Variants in LMNTD2 observed in about 807,000 individuals in gnomAD.
The protein encoded by LMNTD2 is lamin tail domain containing 2, also known as lamin tail domain-containing protein 2.
Under a neutral mutation model 70.1 loss-of-function variants are expected in LMNTD2, and 83 were observed. That is an observed-to-expected ratio of 1.18 (90% confidence interval 0.99 to 1.42). LMNTD2 has a LOEUF of 1.42. Among genes scored for constraint, LMNTD2 ranks in the 40% most tolerant of loss-of-function variants. The pLI, the probability that LMNTD2 is intolerant of heterozygous loss-of-function variation, is 0.00. For missense variants in LMNTD2, 1,153 were observed against 905.9 expected, an observed-to-expected ratio of 1.27 and a Z score of -3.50; for synonymous variants, 534 against 406.1, an observed-to-expected ratio of 1.31 and a Z score of -3.79.
At chr11:559,842 C>T in intron 1 of LMNTD2, 1 of 847,056 alleles carries the variant, frequency 1.2e-6, no homozygotes, top group Non-Finnish European at 1.4e-6. Context: ...GCACGTTAAC[C>T]TCGAATTCCT....
At chr11:558,395 GCCTC>G in intron 3 of LMNTD2, 147 bp from the exon 4 acceptor site, 1 of 1,096,256 alleles carries the variant, frequency 9.1e-7, no homozygotes. Context: ...GGGCTGGCCA[GCCTC>G]CGGCTGGTCT....
intron 3 of LMNTD2, 69 bp downstream of exon 3, chr11:558,545 C>G: frequency 2.6e-6 from 4 of 1,520,844 alleles, no homozygotes; most frequent in Non-Finnish European, 3.5e-6. Flanking sequence ...GGGTTGGGGT[C>G]AGACAGAAAC....
In LMNTD2 at chr11:556,815, G is replaced by A; in HGVS notation, c.976+20C>T. The A allele has an allele frequency of 1.9e-6, 3 of 1,539,308 alleles. No homozygotes were observed. Among genetic ancestry groups the A allele is most frequent in the South Asian group, 1.2e-5 (1 of 80,132 alleles). On this transcript the variant is annotated intron_variant, in intron 8 of 13. Coordinates refer to ENST00000329451, the MANE Select transcript of LMNTD2 (RefSeq NM_173573.3). ...GGAGGGTGGGTGAAGGGTAACCAGG[G>A]GAGACCCGCCCCACTGCACCTTCTG...
At position 558,364 on chromosome 11, in the gene LMNTD2, G is replaced by T. The variant is rs2134104298; in HGVS notation, c.312-116C>A. On this transcript the variant is annotated intron_variant, in intron 3 of 13. Coordinates refer to ENST00000329451, the MANE Select transcript of LMNTD2 (RefSeq NM_173573.3). ...CTCCACTGCCACCTTGGCCCCAAGG[G>T]CACACAGTACAGCCCCGCTGGGGCT... 6 of 1,264,300 alleles carry T rather than the reference G, an allele frequency of 4.7e-6. No homozygotes were observed. In the East Asian group the frequency reaches 1.5e-4, roughly 31 times the overall value. The allele number at this position is 1,264,300 out of a possible 1,614,324, so 78.3% of individuals were successfully genotyped here.
chr11:558,074 GGT>G (rs780586995), intron 4 of LMNTD2, 35 bp from the exon 5 acceptor site: 1 of 1,588,748 alleles, frequency 6.3e-7, no homozygotes, highest in Non-Finnish European at 8.6e-7. Flanking sequence ...GTGGTGGGGG[GGT>G]GTCTTCTGCA....
chr11:557,647 G>T lies in LMNTD2; in HGVS notation c.556-7C>A. 6.2e-7 allele frequency: 1 copy of T among 1,613,080 alleles called. No individual in the cohort carries two copies. ...GAGTCTCTGCCGTCACTACCTGCAA[G>T]AGGGGACCGGAAGCCAGTGGGCAGG... is the stretch of plus-strand genomic sequence containing the variant. On this transcript the variant is annotated splice_region_variant and splice_polypyrimidine_tract_variant and intron_variant, in intron 5 of 13. Transcript: ENST00000329451.
rs1451304055 is a variant in LMNTD2 at position 555,873 on chromosome 11, C to T, written c.1435G>A (p.Asp479Asn). 1.3e-6 allele frequency: 2 copies of T among 1,564,158 alleles called. No individual in the cohort carries two copies. The highest frequency in any genetic ancestry group is 1.7e-6 in the Non-Finnish European group (2 of 1,160,760). Residue 479 changes from aspartate (D) to asparagine (N), a missense_variant, in exon 12 of 14, where the codon GAC becomes AAC. Coordinates refer to ENST00000329451, the MANE Select transcript of LMNTD2 (RefSeq NM_173573.3). ...RETPAPRVFA[D>N]GTDLSIDRFP... is the part of the protein sequence containing the mutation. ...CGGTCGATGGACAAGTCGGTGCCGT[C>T]GGCGAAGACCCTCGGGGCCGGAGTC...
At position 556,510 on chromosome 11, in the gene LMNTD2, C is replaced by T. The variant is rs1319890803; in HGVS notation, c.1055G>A (p.Ser352Asn). 9 of 1,553,524 alleles carry T rather than the reference C, an allele frequency of 5.8e-6. No homozygotes were observed. The highest frequency in any genetic ancestry group is 7.8e-6 in the Non-Finnish European group (9 of 1,148,662). ...PQPCTDPDHWSPELLQSPTGL... is the reference protein window; with the variant it reads ...PQPCTDPDHWNPELLQSPTGL... ...CCCTTACCTCTGCAGGAGTTCCGGG[C>T]TCCAGTGGTCCGGGTCTGTGCAGGG... is the stretch of plus-strand genomic sequence containing the variant. The change falls in exon 9 of 14, where the codon AGC becomes AAC. Residue 352 changes from serine (S) to asparagine (N), a missense_variant. By Grantham distance (46) the Ser-to-Asn change is conservative. Transcript: ENST00000329451.
At position 557,996 on chromosome 11, in the gene LMNTD2, G is replaced by T. The variant is rs765747261; in HGVS notation, c.443C>A (p.Thr148Lys). The change falls in exon 5 of 14, where the codon ACG (threonine) becomes AAG (lysine). Residue 148 changes from threonine (T) to lysine (K), a missense_variant. Transcript: ENST00000329451. ...LEERLLQTTR[T>K]LQEMEAELQN... ...CAGCTCGGCCTCCATCTCCTGGAGCGTGCGGGTGGTCTGCAGCAGCCGCTC... is the reference window on the plus strand; with the variant it reads ...CAGCTCGGCCTCCATCTCCTGGAGCTTGCGGGTGGTCTGCAGCAGCCGCTC... 1.9e-6 allele frequency: 3 copies of T among 1,592,216 alleles called. No individual in the cohort carries two copies. Among genetic ancestry groups the T allele is most frequent in the Non-Finnish European group, 2.6e-6 (3 of 1,167,292 alleles).
intron 1 of LMNTD2, 76 bp from the exon 2 acceptor site, chr11:559,055 T>G: frequency 6.4e-7 from 1 of 1,568,160 alleles, no homozygotes; most frequent in Non-Finnish European, 8.6e-7. Context: ...CTCAATGTTC[T>G]TCGGGAGCTG....
Position 557,886 on chromosome 11 carries a change from C to G in LMNTD2, c.553G>C (p.Glu185Gln). The G allele has an allele frequency of 6.4e-7, 1 of 1,565,660 alleles. No individual in the cohort carries two copies. Among genetic ancestry groups the G allele is most frequent in the Non-Finnish European group, 8.6e-7 (1 of 1,156,492 alleles). ...GAGGGCTTGGGGGACAGGCTCACCT[C>G]CACACTGCCAGTCTGGGATCGTAGC... The part of the protein sequence containing the change: ...RMLRSQTGSV[E>Q]VVTAETLMDP... Residue 185 changes from glutamate to glutamine, a missense_variant and splice_region_variant, in exon 5 of 14, where the codon GAG becomes CAG. Transcript: ENST00000329451.
intron 1 of LMNTD2, chr11:559,235 A>G (rs1162579312): frequency 2.0e-6 from 3 of 1,489,394 alleles, no homozygotes; most frequent in South Asian, 1.3e-5. Flanking sequence ...ACCACCCGAC[A>G]TGTCCCTGGC....
At chr11:555,174 G>GGAGGGGAGGGA in intron 13 of LMNTD2, 63 bp from the exon 14 acceptor site, 1 of 514,990 alleles carries the variant, frequency 1.9e-6, no homozygotes, top group Admixed American at 4.9e-5. Context: ...GAGGGGAGGG[G>GGAGGGGAGGGA]AGGAGAGGGG....
intron 1 of LMNTD2, chr11:560,355 G>A: frequency 8.6e-7 from 1 of 1,160,732 alleles, no homozygotes; most frequent in Non-Finnish European, 1.1e-6. Flanking sequence ...GGGCAGGAAG[G>A]TGTCGGAGAA....
Position 558,934 on chromosome 11 carries a change from G to A in LMNTD2, c.80C>T (p.Pro27Leu), listed in dbSNP as rs1282566761. Residue 27 changes from proline (P) to leucine (L), a missense_variant, in exon 2 of 14, where the codon CCT becomes CTT. Pro to Leu is a moderately conservative substitution (Grantham distance 98). Coordinates refer to ENST00000329451, the MANE Select transcript of LMNTD2 (RefSeq NM_173573.3). The stretch of plus-strand genomic sequence containing the variant: ...GCACGTGGGAGTCTCGGGGGCTGCA[G>A]GTGCGCCTGCTGGAGGTCCCAGGTG... Reference protein sequence around the residue: ...SGHLGPPAGAPAAPETPTCLP... With the variant: ...SGHLGPPAGALAAPETPTCLP... The A allele has an allele frequency of 6.2e-7, 1 of 1,607,248 alleles. No homozygotes were observed. The highest frequency in any genetic ancestry group is 1.7e-5 in the Admixed American group (1 of 60,024).
chr11:555,753 C>G lies in LMNTD2; in HGVS notation c.1555G>C (p.Val519Leu). Residue 519 changes from valine to leucine, a missense_variant, in exon 12 of 14, where the codon GTC becomes CTC. By Grantham distance (32) the Val-to-Leu change is conservative. Transcript: ENST00000329451. ...CCCCACCCTGGTCTCCGGCGACTGA[C>G]CCGGGGCTCCCGCACCCGGCCTTTG... ...LRKGRVREPR[V>L]SRRRPGTRGL... The G allele has an allele frequency of 7.0e-7, 1 of 1,428,782 alleles. No homozygotes were observed. The highest frequency in any genetic ancestry group is 9.1e-7 in the Non-Finnish European group (1 of 1,103,884). 88.5% of individuals were successfully genotyped at this position (1,428,782 alleles called of 1,614,324 possible).
chr11:556,955 T>G lies in LMNTD2; in HGVS notation c.856A>C (p.Ser286Arg). ...SSSGGADSDS[S>R]SCRPGLPSFV... Reference sequence around the variant, plus strand: ...GAAGGCAGGCCCGGCCGGCAGCTGCTGGAGTCGGAGTCAGCGCCCCCTGAG... The same window carrying G: ...GAAGGCAGGCCCGGCCGGCAGCTGCGGGAGTCGGAGTCAGCGCCCCCTGAG... Residue 286 changes from serine (S) to arginine (R), a missense_variant, in exon 8 of 14, where the codon AGC becomes CGC. Ser to Arg is a moderately radical substitution (Grantham distance 110). Coordinates refer to ENST00000329451, the MANE Select transcript of LMNTD2 (RefSeq NM_173573.3). 6.2e-7 allele frequency: 1 copy of G among 1,603,638 alleles called. No homozygotes were observed. The highest frequency in any genetic ancestry group is 8.5e-7 in the Non-Finnish European group (1 of 1,178,472).
At position 555,798 on chromosome 11, in the gene LMNTD2, G is replaced by A; in HGVS notation, c.1510C>T (p.Arg504Cys). The change falls in exon 12 of 14, where the codon CGC (arginine) becomes TGC (cysteine). Residue 504 changes from arginine to cysteine, a missense_variant. Arg to Cys is a radical substitution (Grantham distance 180). Coordinates refer to ENST00000329451, the MANE Select transcript of LMNTD2 (RefSeq NM_173573.3). ...GPGADTRKPPRPPRPLRKGRV... is the reference protein window; with the variant it reads ...GPGADTRKPPCPPRPLRKGRV... ...CCTTTGCGCAGGGGTCGAGGTGGGC[G>A]CGGCGGCTTGCGGGTGTCGGCGCCG... The A allele has an allele frequency of 6.6e-7, 1 of 1,520,444 alleles. No individual in the cohort carries two copies. The highest frequency in any genetic ancestry group is 8.7e-7 in the Non-Finnish European group (1 of 1,145,960). The allele number at this position is 1,520,444 out of a possible 1,614,324, so 94.2% of individuals were successfully genotyped here. A position where few individuals can be genotyped will look rare whatever the true frequency, so the allele number is the denominator to read the frequency against.
In LMNTD2 at chr11:560,503, A is replaced by G. The variant is rs1589835677; in HGVS notation, c.34+180T>C. 9.5e-6 allele frequency: 12 copies of G among 1,262,084 alleles called. No homozygotes were observed. In the East Asian group the frequency reaches 2.9e-4, roughly 30 times the overall value. 78.2% of individuals were successfully genotyped at this position (1,262,084 alleles called of 1,614,324 possible). ...CCCGCGACCCCTGCGCGTCCAGACT[A>G]CTGCAGCTGCGGTAGGCCCCAAAGG... On this transcript the variant is annotated intron_variant, in intron 1 of 13. Coordinates refer to ENST00000329451, the MANE Select transcript of LMNTD2 (RefSeq NM_173573.3).
Sources: allele counts gnomAD v4.1 joint callset, GRCh38; gene constraint gnomAD v4.1.1; transcripts MANE v1.5; gene names NCBI Gene and HGNC (gene_info 2026-07-23, HGNC 2026-07-21).